ATN1: variants seen among roughly 807,000 people sequenced by gnomAD.
ATN1 encodes the protein atrophin 1.
A neutral mutation model predicts 85.8 loss-of-function variants in ATN1; 19 were observed. The ratio of observed to expected loss-of-function variants is 0.22; its 90% CI spans 0.15 to 0.32. ATN1 has a LOEUF of 0.32. Among genes scored for constraint, ATN1 ranks in the 10% least tolerant of loss-of-function variants. The probability of loss-of-function intolerance (pLI) is 1.00; values close to 1 mark genes in which losing one functional copy is unlikely to be tolerated. For missense variants in ATN1, 1,453 were observed against 1,564.5 expected, an observed-to-expected ratio of 0.93 and a Z score of 1.20; for synonymous variants, 674 against 657.0, an observed-to-expected ratio of 1.03 and a Z score of -0.39.
In ATN1 at chr12:6,937,198, C is replaced by G. The variant is rs781978577; in HGVS notation, c.1931C>G (p.Pro644Arg). 58 of 1,611,264 alleles carry G rather than the reference C, an allele frequency of 3.6e-5. No individual in the cohort carries two copies. The highest frequency in any genetic ancestry group is 3.1e-5 in the Non-Finnish European group (37 of 1,179,556). ...CCCCCACCGTACGGAAAGAGAGCCCCGTCCCCGGGGGCCTACAAGACAGCC... is the reference window on the plus strand; with the variant it reads ...CCCCCACCGTACGGAAAGAGAGCCCGGTCCCCGGGGGCCTACAAGACAGCC... ...PGPPPYGKRA[P>R]SPGAYKTATP... Residue 644 changes from proline to arginine, a missense_variant, in exon 5 of 10, where the codon CCG (proline) becomes CGG (arginine). Pro to Arg is a moderately radical substitution (Grantham distance 103). This residue lies in a region of ATN1 where 990 missense variants were observed against 914.8 expected (regional missense o/e 1.08). Coordinates refer to ENST00000396684, the MANE Select transcript of ATN1 (RefSeq NM_001940.4). This position sits in a 1 kb window ranked among gnomAD's most constrained non-coding sequence, Gnocchi z 6.0.
chr12:6,934,267 C>A lies in ATN1; in HGVS notation c.119C>A (p.Thr40Lys). ...RGRASPGGVS[T>K]SSSDGKAEKS... ...CGGGCCTCCCCTGGAGGGGTCAGCA[C>A]GTCCAGCAGTGATGGCAAAGCTGAG... Residue 40 changes from threonine to lysine, a missense_variant, in exon 3 of 10, where the codon ACG (threonine) becomes AAG (lysine). Thr to Lys is a moderately conservative substitution (Grantham distance 78). This residue lies in a region of ATN1 where 130 missense variants were observed against 158.2 expected (regional missense o/e 0.82). Coordinates refer to ENST00000396684, the MANE Select transcript of ATN1 (RefSeq NM_001940.4). The surrounding 1 kb of genome is among the most constrained non-coding windows in gnomAD (Gnocchi z 4.5). The A allele has an allele frequency of 6.3e-7, 1 of 1,577,006 alleles. No homozygotes were observed. Among genetic ancestry groups the A allele is most frequent in the Non-Finnish European group, 8.6e-7 (1 of 1,169,334 alleles).
intron 1 of ATN1, among the ~76,000 whole-genome samples, chr12:6,933,058 C>A (rs782145066): frequency 1.3e-5 from 2 of 152,270 alleles, no homozygotes; most frequent in Non-Finnish European, 2.9e-5. Flanking sequence ...TTGGGCTAGT[C>A]ACAATCACAA....
intron 1 of ATN1, among the ~76,000 whole-genome samples, chr12:6,930,727 T>C (rs782602992): frequency 2.0e-4 from 30 of 151,682 alleles, no homozygotes; most frequent in South Asian, 1.9e-3. Flanking sequence ...ACCCGGGAGG[T>C]GGAGCTTGCA....
In ATN1 at chr12:6,936,745, AG is replaced by A. The variant is rs1555143776; in HGVS notation, c.1479del (p.Gln493HisfsTer47). 3 of 1,128,478 alleles carry A rather than the reference AG, an allele frequency of 2.7e-6. No homozygotes were observed. The highest frequency in any genetic ancestry group is 2.0e-5 in the Admixed American group (1 of 48,888). 69.9% of individuals were successfully genotyped at this position (1,128,478 alleles called of 1,614,324 possible). ...CAACAGCAACAGCAGCAGCAGCAGCAGCAGCAGCAGCAGCAGCAGCAGCAGC... is the reference window on the plus strand; with the variant it reads ...CAACAGCAACAGCAGCAGCAGCAGCACAGCAGCAGCAGCAGCAGCAGCAGC... ...HQQQQQQQQQ[Q>X]QQQQQQQQQH... On this transcript the variant is annotated frameshift_variant, in exon 5 of 10. Coordinates refer to ENST00000396684, the MANE Select transcript of ATN1 (RefSeq NM_001940.4). LOFTEE classifies it high-confidence loss of function.
chr12:6,928,752 G>A (rs1245550488), intron 1 of ATN1, among the ~76,000 whole-genome samples: 1 of 152,360 alleles, frequency 6.6e-6, no homozygotes, highest in Admixed American at 6.5e-5. Context: ...TGTGAGTGGG[G>A]TTCCGGGCGA....
Position 6,934,603 on chromosome 12 carries a change from G to T in ATN1, c.279+25G>T. The T allele has an allele frequency of 6.7e-7, 1 of 1,492,766 alleles. No individual in the cohort carries two copies. The highest frequency in any genetic ancestry group is 1.2e-5 in the South Asian group (1 of 82,816). The allele number at this position is 1,492,766 out of a possible 1,614,324, so 92.5% of individuals were successfully genotyped here. On this transcript the variant is annotated intron_variant, in intron 4 of 9. Transcript: ENST00000396684. This position sits in a 1 kb window ranked among gnomAD's most constrained non-coding sequence, Gnocchi z 4.5. ...GGTGGGAAACCCTTGTCGCCATCCT[G>T]ACCCATCTTGTGACCATTCTTTTCT...
intron 7 of ATN1, among the ~76,000 whole-genome samples, chr12:6,939,436 G>A (rs1331357969): frequency 1.3e-5 from 2 of 152,156 alleles, no homozygotes; most frequent in Admixed American, 6.5e-5. Context: ...AGGCCCACAC[G>A]GGAGCTTTTG....
chr12:6,929,371 T>C (rs1334001083), intron 1 of ATN1, among the ~76,000 whole-genome samples: 1 of 152,144 alleles, frequency 6.6e-6, no homozygotes, highest in Non-Finnish European at 1.5e-5. Flanking sequence ...CATGGGCTTA[T>C]TTTGACTAGG....
At position 6,941,112 on chromosome 12, in the gene ATN1, G is replaced by A. The variant is rs1363785935; in HGVS notation, c.3358+89G>A. On this transcript the variant is annotated intron_variant, in intron 8 of 9. Coordinates refer to ENST00000396684, the MANE Select transcript of ATN1 (RefSeq NM_001940.4). The surrounding 1 kb of genome is among the most constrained non-coding windows in gnomAD (Gnocchi z 5.9). The stretch of plus-strand genomic sequence containing the variant: ...GGGGGGATGGGCCTAGTTGGGCTTG[G>A]GGAGGGATGAGGAGGTGCCTAGAGG... 1 of 1,522,270 alleles carries A rather than the reference G, an allele frequency of 6.6e-7. No individual in the cohort carries two copies. Among genetic ancestry groups the A allele is most frequent in the Non-Finnish European group, 8.9e-7 (1 of 1,123,568 alleles). The allele number at this position is 1,522,270 out of a possible 1,614,324, so 94.3% of individuals were successfully genotyped here. A position where few individuals can be genotyped will look rare whatever the true frequency, so the allele number is the denominator to read the frequency against.
At position 6,938,577 on chromosome 12, in the gene ATN1, G is replaced by C; in HGVS notation, c.2614G>C (p.Val872Leu). 6.2e-7 allele frequency: 1 copy of C among 1,614,228 alleles called. No homozygotes were observed. The highest frequency in any genetic ancestry group is 8.5e-7 in the Non-Finnish European group (1 of 1,180,026). The change falls in exon 7 of 10, where the codon GTG (valine) becomes CTG (leucine). Residue 872 changes from valine (V) to leucine (L), a missense_variant. This residue lies in a region of ATN1 where 208 missense variants were observed against 263.4 expected (regional missense o/e 0.79). Coordinates refer to ENST00000396684, the MANE Select transcript of ATN1 (RefSeq NM_001940.4). ...PFEPGSAVAT[V>L]PPYLGPDTPA... is the part of the protein sequence containing the mutation. The stretch of plus-strand genomic sequence containing the variant: ...TGAACCGGGCAGTGCGGTGGCTACA[G>C]TGCCCCCCTACCTGGGTCCTGACAC...
upstream of ATN1, among the ~76,000 whole-genome samples, chr12:6,926,258 T>G (rs1309597858): frequency 3.3e-5 from 5 of 152,142 alleles, no homozygotes; most frequent in African/African-American, 1.2e-4. Context: ...AAGCCCAGTC[T>G]TCACCCGACT....
In ATN1 at chr12:6,941,504, C is replaced by G; in HGVS notation, c.3489C>G (p.Ala1163=). 1 of 1,612,582 alleles carries G rather than the reference C, an allele frequency of 6.2e-7. No individual in the cohort carries two copies. Among genetic ancestry groups the G allele is most frequent in the East Asian group, 2.2e-5 (1 of 44,896 alleles). ...LALEQQQWLH[A]HHPLHSVPLP... is the part of the protein sequence containing the mutation. ...TGGAACAGCAGCAGTGGCTGCATGCCCATCACCCGCTGCACAGTGTGCCGC... is the reference window on the plus strand; with the variant it reads ...TGGAACAGCAGCAGTGGCTGCATGCGCATCACCCGCTGCACAGTGTGCCGC... The change falls in exon 9 of 10, where the codon GCC becomes GCG. Residue 1163 remains alanine (A), a synonymous_variant. Transcript: ENST00000396684. The surrounding 1 kb of genome is among the most constrained non-coding windows in gnomAD (Gnocchi z 5.9).
chr12:6,935,633 G>A lies in ATN1; in HGVS notation c.366G>A (p.Arg122=). 1.9e-6 allele frequency: 3 copies of A among 1,613,952 alleles called. No individual in the cohort carries two copies. Among genetic ancestry groups the A allele is most frequent in the Non-Finnish European group, 2.5e-6 (3 of 1,179,906 alleles). Residue 122 remains arginine, a synonymous_variant, in exon 5 of 10, where the codon AGG becomes AGA. Transcript: ENST00000396684. The surrounding 1 kb of genome is among the most constrained non-coding windows in gnomAD (Gnocchi z 5.3). ...SLNDDGSSDP[R]DIDQDNRSTS... ...ATGATGATGGCAGCAGCGACCCTAG[G>A]GATATCGACCAGGACAACCGAAGCA...
Position 6,936,798 on chromosome 12 carries a change from C to A in ATN1, c.1531C>A (p.Pro511Thr). 6.2e-7 allele frequency: 1 copy of A among 1,613,386 alleles called. No individual in the cohort carries two copies. Among genetic ancestry groups the A allele is most frequent in the Non-Finnish European group, 8.5e-7 (1 of 1,179,760 alleles). ...GCATCACGGAAACTCTGGGCCCCCT[C>A]CTCCTGGAGCATTTCCCCACCCACT... ...QQHHGNSGPP[P>T]PGAFPHPLEG... The change falls in exon 5 of 10, where the codon CCT (proline) becomes ACT (threonine). Residue 511 changes from proline (P) to threonine (T), a missense_variant. By Grantham distance (38) the Pro-to-Thr change is conservative. Transcript: ENST00000396684.
chr12:6,938,881 G>A lies in ATN1; in HGVS notation c.2918G>A (p.Arg973Gln). 3.7e-6 allele frequency: 6 copies of A among 1,614,112 alleles called. No homozygotes were observed. Among genetic ancestry groups the A allele is most frequent in the Non-Finnish European group, 5.1e-6 (6 of 1,180,024 alleles). Residue 973 changes from arginine (R) to glutamine (Q), a missense_variant, in exon 7 of 10, where the codon CGA becomes CAA. By Grantham distance (43) the Arg-to-Gln change is conservative. Coordinates refer to ENST00000396684, the MANE Select transcript of ATN1 (RefSeq NM_001940.4). Reference protein sequence around the residue: ...VPGPGLDPFPRHGGLALQPGP... With the variant: ...VPGPGLDPFPQHGGLALQPGP... ...GGGCCGGGCTTGGATCCCTTTCCCCGACATGGGGGCCTGGCTCTGCAGCCT... is the reference window on the plus strand; with the variant it reads ...GGGCCGGGCTTGGATCCCTTTCCCCAACATGGGGGCCTGGCTCTGCAGCCT...
At chr12:6,926,270 C>A (rs1591656606), upstream of ATN1, among the ~76,000 whole-genome samples, 2 of 152,172 alleles carry the variant, frequency 1.3e-5, no homozygotes, top group Admixed American at 1.3e-4. Context: ...CACCCGACTG[C>A]TTCCCTGTGA....
At chr12:6,925,803 G>GTGGGATCTTGCCAATTCAGGGCCCA (rs1945393716), upstream of ATN1, among the ~76,000 whole-genome samples, 1 of 152,190 alleles carries the variant, frequency 6.6e-6, no homozygotes, top group African/African-American at 2.4e-5. Context: ...CTGAAGGCAG[G>GTGGGATCTTGCCAATTCAGGGCCCA]TGGGATCTTG....
At chr12:6,930,204 G>A (rs782291328) in intron 1 of ATN1, among the ~76,000 whole-genome samples, 2 of 152,196 alleles carry the variant, frequency 1.3e-5, no homozygotes, top group African/African-American at 2.4e-5. Flanking sequence ...TGAAGGTCCC[G>A]GATTCTCAGA....
At chr12:6,930,150 T>C (rs374737851) in intron 1 of ATN1, among the ~76,000 whole-genome samples, 1 of 152,340 alleles carries the variant, frequency 6.6e-6, no homozygotes, top group South Asian at 2.1e-4. Flanking sequence ...GGCTTCATTG[T>C]TAAGATGAAG....
Sources: gnomAD v4.1 joint callset for allele counts (sites outside exome capture counted in the v4.1 genomes callset) on GRCh38, gnomAD v4.1.1 for gene constraint, gnomAD v4.1.1 regional missense constraint, Gnocchi (gnomAD v3.1) non-coding constraint, MANE v1.5 for transcripts, NCBI Gene and HGNC (gene_info 2026-07-23, HGNC 2026-07-21) for gene names.